The following KIF22 variants were observed in gnomAD, a reference collection of about 807,000 sequenced individuals.
KIF22 encodes kinesin-like protein KIF22.
A neutral mutation model predicts 73.0 loss-of-function variants in KIF22; 62 were observed. That is an observed-to-expected ratio of 0.85 (90% CI 0.69 to 1.05). KIF22 has a LOEUF of 1.05. Ranked by LOEUF, KIF22 falls within the 50% of genes least tolerant of loss-of-function variation. KIF22 has a pLI of 0.00. For synonymous variants in KIF22, 411 were observed against 340.1 expected (o/e 1.21, Z -2.29); for missense variants, 854 against 870.1 (o/e 0.98, Z 0.23).
intron 7 of KIF22, 54 bp downstream of exon 7, chr16:29,799,835 T>C: frequency 6.2e-7 from 1 of 1,612,710 alleles, no homozygotes; most frequent in Non-Finnish European, 8.5e-7. Context: ...ATTAGGGAGT[T>C]TGTTGAAACC....
chr16:29,803,076 T>G, intron 9 of KIF22, 139 bp downstream of exon 9: 2 of 838,034 alleles, frequency 2.4e-6, no homozygotes, highest in Non-Finnish European at 3.8e-6. Flanking sequence ...AGCTTCTGCT[T>G]GAATGTCCTT....
At chr16:29,792,829 A>G (rs1456925759) in intron 1 of KIF22, among the ~76,000 whole-genome samples, 1 of 152,136 alleles carries the variant, frequency 6.6e-6, no homozygotes, top group Non-Finnish European at 1.5e-5. Flanking sequence ...ATTCATCATG[A>G]CTGGTAACTT....
chr16:29,798,768 G>A lies in KIF22; in HGVS notation c.549+21G>A. The stretch of plus-strand genomic sequence containing the variant: ...AGAAGGTGAGGCCCCGTGCTGGTTG[G>A]GAGAGGAGCAACAAAGGGTCAAAGT... On this transcript the variant is annotated intron_variant, in intron 4 of 13. Transcript: ENST00000160827. The surrounding 1 kb of genome is among the most constrained non-coding windows in gnomAD (Gnocchi z 4.1). The A allele has an allele frequency of 6.2e-7, 1 of 1,609,788 alleles. No individual in the cohort carries two copies. The highest frequency in any genetic ancestry group is 8.5e-7 in the Non-Finnish European group (1 of 1,177,764).
chr16:29,792,271 C>T (rs762064840), intron 1 of KIF22, among the ~76,000 whole-genome samples: 1 of 152,214 alleles, frequency 6.6e-6, no homozygotes, highest in African/African-American at 2.4e-5. Flanking sequence ...TAGCCTGGTC[C>T]AAGCTCAAGG....
rs760740065 is a variant in KIF22 at position 29,798,481 on chromosome 16, C to T, written c.374C>T (p.Ala125Val). Reference sequence around the variant, plus strand: ...GAAGGGCAGAATGCCAGTGTGCTTGCCTATGGACCCACAGGAGCTGGTGAG... The same window carrying T: ...GAAGGGCAGAATGCCAGTGTGCTTGTCTATGGACCCACAGGAGCTGGTGAG... ...LLEGQNASVL[A>V]YGPTGAGKTH... Residue 125 changes from alanine (A) to valine (V), a missense_variant, in exon 3 of 14, where the codon GCC becomes GTC. Coordinates refer to ENST00000160827, the MANE Select transcript of KIF22 (RefSeq NM_007317.3). The surrounding 1 kb of genome is among the most constrained non-coding windows in gnomAD (Gnocchi z 4.1). 1 of 1,614,160 alleles carries T rather than the reference C, an allele frequency of 6.2e-7. No homozygotes were observed. Among genetic ancestry groups the T allele is most frequent in the Non-Finnish European group, 8.5e-7 (1 of 1,180,050 alleles).
rs368145244 is a variant in KIF22 at position 29,799,686 on chromosome 16, G to A, written c.1049G>A (p.Arg350His). The change falls in exon 7 of 14, where the codon CGC becomes CAC. Residue 350 changes from arginine to histidine, a missense_variant. By Grantham distance (29) the Arg-to-His change is conservative. This residue lies in a region of KIF22 where 245 missense variants were observed against 351.8 expected (regional missense o/e 0.70). Transcript: ENST00000160827. ...ATTGCCAACATTGCCCCTGAGAGACGCTTCTACCTAGACACAGTCTCCGCA... is the reference window on the plus strand; with the variant it reads ...ATTGCCAACATTGCCCCTGAGAGACACTTCTACCTAGACACAGTCTCCGCA... ...ILIANIAPER[R>H]FYLDTVSALN... The A allele has an allele frequency of 3.7e-6, 6 of 1,613,798 alleles. No individual in the cohort carries two copies. The African/African-American group carries it at 4.0e-5, about 11-fold the overall frequency.
chr16:29,803,313 C>T, intron 9 of KIF22, 136 bp from the exon 10 acceptor site: 1 of 995,802 alleles, frequency 1.0e-6, no homozygotes, highest in Non-Finnish European at 1.5e-6. Context: ...CTCCACCTGT[C>T]TCCTGGTAAC....
Position 29,798,131 on chromosome 16 carries a change from A to G in KIF22, c.267-243A>G, listed in dbSNP as rs1898999432. On this transcript the variant is annotated intron_variant, in intron 2 of 13. Coordinates refer to ENST00000160827, the MANE Select transcript of KIF22 (RefSeq NM_007317.3). The surrounding 1 kb of genome is among the most constrained non-coding windows in gnomAD (Gnocchi z 4.1). ...TATCCTACCAGACTGAAAAACTCCA[A>G]GAGCAGGGATATCAGATCTATCTCT... Among the ~76,000 whole-genome samples, 2 of 152,208 alleles carry G rather than the reference A, an allele frequency of 1.3e-5. No homozygotes were observed. Among genetic ancestry groups the G allele is most frequent in the South Asian group, 2.1e-4 (1 of 4,830 alleles).
Position 29,804,067 on chromosome 16 carries a change from TG to T in KIF22, c.1677+3del, listed in dbSNP as rs752173819. ...AAGAATAAAGGCCGGAAGAGAAAGG[TG>T]AAAGTAGCTGGGGGCTTAGGCTACA... On this transcript the variant is annotated splice_donor_region_variant and intron_variant, in intron 11 of 13. Transcript: ENST00000160827. 41 of 1,612,122 alleles carry T rather than the reference TG, an allele frequency of 2.5e-5. No homozygotes were observed. The highest frequency in any genetic ancestry group is 3.5e-5 in the Non-Finnish European group (41 of 1,178,600).
At chr16:29,802,636 G>C (rs1899181253) in intron 8 of KIF22, 133 bp from the exon 9 acceptor site, 6 of 805,962 alleles carry the variant, frequency 7.4e-6, no homozygotes, top group Non-Finnish European at 9.3e-6. Context: ...AGAGAAACTG[G>C]ATGCCTAGCA....
Position 29,805,117 on chromosome 16 carries a change from G to A in KIF22, c.1893G>A (p.Val631=). Residue 631 remains valine (V), a splice_region_variant and synonymous_variant, in exon 13 of 14, where the codon GTG becomes GTA. Transcript: ENST00000160827. ...CCCTATCGATCCTGTCCCGCCAGGTGGAGGACCTGGAACGCGTGGAGGGCA... is the reference window on the plus strand; with the variant it reads ...CCCTATCGATCCTGTCCCGCCAGGTAGAGGACCTGGAACGCGTGGAGGGCA... ...WRELHGPFSQ[V]EDLERVEGIT... is the part of the protein sequence containing the mutation. 2 of 1,613,780 alleles carry A rather than the reference G, an allele frequency of 1.2e-6. No homozygotes were observed. Among genetic ancestry groups the A allele is most frequent in the South Asian group, 2.2e-5 (2 of 91,068 alleles).
chr16:29,799,505 C>T lies in KIF22; in HGVS notation c.990+11C>T. On this transcript the variant is annotated intron_variant, in intron 6 of 13. Coordinates refer to ENST00000160827, the MANE Select transcript of KIF22 (RefSeq NM_007317.3). ...ACTCGCCTATTGCAGGTCAGGCCCA[C>T]CTGTCTCAGGGAAGAAGGGGCTGCA... 1 of 1,613,796 alleles carries T rather than the reference C, an allele frequency of 6.2e-7. No homozygotes were observed. The highest frequency in any genetic ancestry group is 8.5e-7 in the Non-Finnish European group (1 of 1,179,742).
At position 29,796,887 on chromosome 16, in the gene KIF22, C is replaced by A; in HGVS notation, c.71-6C>A. 6.2e-7 allele frequency: 1 copy of A among 1,613,932 alleles called. No homozygotes were observed. The highest frequency in any genetic ancestry group is 8.5e-7 in the Non-Finnish European group (1 of 1,179,884). ...TCATGTCTAAAAGTGATCTTCTCTC[C>A]TCCAGGAGCTGGTCGCTGTCGGCTA... On this transcript the variant is annotated splice_polypyrimidine_tract_variant and splice_region_variant and intron_variant, in intron 1 of 13. Coordinates refer to ENST00000160827, the MANE Select transcript of KIF22 (RefSeq NM_007317.3).
chr16:29,797,035 C>A lies in KIF22; in HGVS notation c.213C>A (p.Ser71Arg). 6.2e-7 allele frequency: 1 copy of A among 1,611,886 alleles called. No homozygotes were observed. ...SDPPCVRGMD[S>R]CSLEIANWRN... ...CCCCCTGTGTGCGGGGCATGGACAG[C>A]TGCTCTCTAGAGATTGCTAACTGGA... is the stretch of plus-strand genomic sequence containing the variant. The change falls in exon 2 of 14, where the codon AGC (serine) becomes AGA (arginine). Residue 71 changes from serine to arginine, a missense_variant. This residue lies in a region of KIF22 where 186 missense variants were observed against 152.9 expected (regional missense o/e 1.22). Coordinates refer to ENST00000160827, the MANE Select transcript of KIF22 (RefSeq NM_007317.3). The surrounding 1 kb of genome is among the most constrained non-coding windows in gnomAD (Gnocchi z 4.1).
chr16:29,791,123 G>C, intron 1 of KIF22: 1 of 1,350,020 alleles, frequency 7.4e-7, no homozygotes, highest in Non-Finnish European at 9.5e-7. Context: ...CTTCGTCTGT[G>C]AAACGGGGGT....
In KIF22 at chr16:29,804,995, G is replaced by A; in HGVS notation, c.1859G>A (p.Gly620Asp). The part of the protein sequence containing the change: ...IGPKKAQLIV[G>D]WRELHGPFSQ... ...CCGAAGAAGGCCCAGCTAATCGTGG[G>A]CTGGCGGGAGCTCCACGGCCCCTTC... The change falls in exon 12 of 14, where the codon GGC (glycine) becomes GAC (aspartate). Residue 620 changes from glycine (G) to aspartate (D), a missense_variant. Gly to Asp is a moderately conservative substitution (Grantham distance 94). Coordinates refer to ENST00000160827, the MANE Select transcript of KIF22 (RefSeq NM_007317.3). 1.2e-6 allele frequency: 2 copies of A among 1,610,414 alleles called. No individual in the cohort carries two copies. Among genetic ancestry groups the A allele is most frequent in the South Asian group, 1.1e-5 (1 of 90,826 alleles).
rs1457596265 is a variant in KIF22 at position 29,799,405 on chromosome 16, C to T, written c.901C>T (p.Leu301=). Residue 301 remains leucine, a synonymous_variant, in exon 6 of 14, where the codon CTG becomes TTG. Coordinates refer to ENST00000160827, the MANE Select transcript of KIF22 (RefSeq NM_007317.3). Reference sequence around the variant, plus strand: ...AGAGAGTGGAGCCATCAACACCTCCCTGTTTGTCCTGGGCAAAGTGGTAGA... The same window carrying T: ...AGAGAGTGGAGCCATCAACACCTCCTTGTTTGTCCTGGGCAAAGTGGTAGA... ...LKESGAINTS[L]FVLGKVVDAL... is the part of the protein sequence containing the mutation. The T allele has an allele frequency of 6.2e-7, 1 of 1,614,256 alleles. No individual in the cohort carries two copies. The highest frequency in any genetic ancestry group is 2.2e-5 in the East Asian group (1 of 44,892).
intron 1 of KIF22, among the ~76,000 whole-genome samples, chr16:29,796,672 G>T (rs1397046112): frequency 6.6e-6 from 1 of 152,010 alleles, no homozygotes; most frequent in Non-Finnish European, 1.5e-5. Context: ...CAGGTTATTT[G>T]TGTATACATT....
chr16:29,791,869 G>A (rs1283224931), intron 1 of KIF22, among the ~76,000 whole-genome samples: 1 of 152,140 alleles, frequency 6.6e-6, no homozygotes, highest in Admixed American at 6.5e-5. Flanking sequence ...CTTACCCTTC[G>A]AAGATGCACT....
Sources: gnomAD v4.1 joint callset for allele counts (sites outside exome capture counted in the v4.1 genomes callset) on GRCh38, gnomAD v4.1.1 for gene constraint, gnomAD v4.1.1 regional missense constraint, Gnocchi (gnomAD v3.1) non-coding constraint, MANE v1.5 for transcripts, NCBI Gene and HGNC (gene_info 2026-07-23, HGNC 2026-07-21) for gene names.